Variants in TG observed in about 807,000 individuals in gnomAD.
TG encodes the protein thyroid hormones.
A neutral mutation model predicts 324.7 loss-of-function variants in TG; 270 were observed. The observed-to-expected ratio is 0.83, with a 90% confidence interval of 0.75 to 0.92. The LOEUF (loss-of-function observed/expected upper bound fraction) is 0.92. Among genes scored for constraint, TG ranks in the 40% least tolerant of loss-of-function variants. TG has a pLI of 0.00. For synonymous variants in TG, 1,401 were observed against 1,327.0 expected, an observed-to-expected ratio of 1.06 and a Z score of -1.21; for missense variants, 3,591 against 3,456.4, an observed-to-expected ratio of 1.04 and a Z score of -0.98.
intron 39 of TG, 82 bp from the exon 40 acceptor site, chr8:133,021,908 CT>C: frequency 6.4e-7 from 1 of 1,567,488 alleles, no homozygotes; most frequent in Non-Finnish European, 8.8e-7. Context: ...CAGAGGAGTC[CT>C]GTGTCAACCA....
chr8:132,930,616 T>G (rs1587451839), intron 23 of TG, among the ~76,000 whole-genome samples: 1 of 146,234 alleles, frequency 6.8e-6, no homozygotes. Flanking sequence ...TGGTGGGAGG[T>G]GGAGGTTGCA....
intron 23 of TG, among the ~76,000 whole-genome samples, 195 bp downstream of exon 23, chr8:132,929,387 A>G (rs1822355804): frequency 6.6e-6 from 1 of 152,240 alleles, no homozygotes; most frequent in South Asian, 2.1e-4. Context: ...CAGTTTATCT[A>G]CTGTATGCTA....
In TG at chr8:133,040,173, C is replaced by A. The variant is rs750497204; in HGVS notation, c.7239+10150C>A. Reference sequence around the variant, plus strand: ...CAGCCGGTCAGGGACCCTGGGGACGCCTCAGCCAGTGTGGGGTTCAGGCCT... The same window carrying A: ...CAGCCGGTCAGGGACCCTGGGGACGACTCAGCCAGTGTGGGGTTCAGGCCT... On this transcript the variant is annotated intron_variant, in intron 41 of 47. Coordinates refer to ENST00000220616, the MANE Select transcript of TG (RefSeq NM_003235.5). 7.7e-6 allele frequency: 12 copies of A among 1,559,034 alleles called. No individual in the cohort carries two copies. The African/African-American group carries it at 1.6e-4, about 21-fold the overall frequency.
chr8:132,974,273 C>T (rs1829925629), intron 34 of TG, among the ~76,000 whole-genome samples: 1 of 152,122 alleles, frequency 6.6e-6, no homozygotes, highest in African/African-American at 2.4e-5. Flanking sequence ...GGATTACAGG[C>T]GTGAGCCACC....
intron 40 of TG, among the ~76,000 whole-genome samples, chr8:133,026,426 A>C (rs1042698016): frequency 2.6e-5 from 4 of 152,188 alleles, no homozygotes; most frequent in African/African-American, 9.6e-5. Flanking sequence ...GAGCAGTTGG[A>C]AAGGAAGCAG....
chr8:133,061,999 C>A (rs1443186809), intron 41 of TG, among the ~76,000 whole-genome samples: 1 of 152,194 alleles, frequency 6.6e-6, no homozygotes, highest in East Asian at 1.9e-4. Context: ...ACTGCTCAAG[C>A]TAATGCATAG....
chr8:132,968,956 T>A (rs575181779), intron 31 of TG, among the ~76,000 whole-genome samples: 1 of 152,160 alleles, frequency 6.6e-6, no homozygotes, highest in African/African-American at 2.4e-5. Context: ...TCTTCTGTCG[T>A]CCTGAGAGAA....
intron 10 of TG, 47 bp downstream of exon 10, chr8:132,888,615 G>GTGTA: frequency 6.6e-7 from 1 of 1,508,266 alleles, no homozygotes; most frequent in Non-Finnish European, 9.0e-7. Context: ...GTGTGTGTGT[G>GTGTA]TGTGTGTATG....
chr8:133,097,408 G>A (rs1848590297), intron 43 of TG, among the ~76,000 whole-genome samples: 4 of 152,156 alleles, frequency 2.6e-5, no homozygotes, highest in African/African-American at 4.8e-5. Flanking sequence ...AAAATTGGAA[G>A]CAACTCAAAT....
At chr8:133,030,111 C>T (rs1836489482) in intron 41 of TG, 88 bp downstream of exon 41, 3 of 1,531,802 alleles carry the variant, frequency 2.0e-6, no homozygotes, top group Middle Eastern at 2.0e-4. Context: ...TAGTTGGCTT[C>T]AATTGCTTGG....
chr8:132,946,555 C>T (rs550477190), intron 26 of TG, among the ~76,000 whole-genome samples: 1 of 152,308 alleles, frequency 6.6e-6, no homozygotes, highest in Non-Finnish European at 1.5e-5. Flanking sequence ...TCCTTTACCA[C>T]AGTCTGGAAA....
intron 41 of TG, among the ~76,000 whole-genome samples, chr8:133,091,527 G>A (rs1295500182): frequency 2.0e-5 from 3 of 152,196 alleles, no homozygotes; most frequent in South Asian, 2.1e-4. Flanking sequence ...GATTCCTCCC[G>A]GGAAATGCTG....
At chr8:133,112,873 T>C (rs1293806929) in intron 43 of TG, among the ~76,000 whole-genome samples, 1 of 152,202 alleles carries the variant, frequency 6.6e-6, no homozygotes, top group Non-Finnish European at 1.5e-5. Flanking sequence ...GGGAGCTTGA[T>C]CGGCATGTTT....
chr8:133,076,096 C>T (rs1462541887), intron 41 of TG: 1 of 152,186 alleles, frequency 6.6e-6, no homozygotes, highest in African/African-American at 2.4e-5. Context: ...AATGCTGACC[C>T]CAAGATTGCC....
chr8:132,891,293 T>C (rs1045575229), intron 10 of TG, among the ~76,000 whole-genome samples: 6 of 151,694 alleles, frequency 4.0e-5, no homozygotes, highest in African/African-American at 1.5e-4. Context: ...GGGGAGGGGA[T>C]GCAGGAGGGA....
intron 46 of TG, 26 bp from the exon 47 acceptor site, chr8:133,133,444 A>G (rs373075803): frequency 1.1e-4 from 177 of 1,610,164 alleles, no homozygotes; most frequent in Non-Finnish European, 1.5e-4. Context: ...TCCCTCATGG[A>G]TATTTCTTTC....
chr8:132,918,533 G>A (rs1587401407), intron 20 of TG, among the ~76,000 whole-genome samples: 2 of 152,256 alleles, frequency 1.3e-5, no homozygotes, highest in South Asian at 2.1e-4. Context: ...AACTACACAC[G>A]TAGACCAGAG....
In TG at chr8:132,997,506, G is replaced by A. The variant is rs1234039872; in HGVS notation, c.6262+14094G>A. ...GTAAGAGTCAAGGGCAGCCCCTTGA[G>A]GAGAGGAGGAGACACTAGGAAGAGC... On this transcript the variant is annotated intron_variant, in intron 35 of 47. Transcript: ENST00000220616. Among the ~76,000 whole-genome samples the A allele has an allele frequency of 2.0e-5, 3 of 152,268 alleles. No individual in the cohort carries two copies. The South Asian group carries it at 6.2e-4, about 32-fold the overall frequency.
chr8:133,004,260 T>G (rs1833826387), intron 35 of TG, among the ~76,000 whole-genome samples: 1 of 152,088 alleles, frequency 6.6e-6, no homozygotes, highest in East Asian at 1.9e-4. Flanking sequence ...CACCATGCTG[T>G]GGGGCTGTAT....
Sources: allele counts gnomAD v4.1 joint callset (sites outside exome capture counted in the v4.1 genomes callset), GRCh38; gene constraint gnomAD v4.1.1; transcripts MANE v1.5; gene names NCBI Gene and HGNC (gene_info 2026-07-23, HGNC 2026-07-21).